The following PKNOX2 variants were observed in gnomAD, a reference collection of about 807,000 sequenced individuals.
The protein encoded by PKNOX2 is PBX/knotted 1 homeobox 2.
A neutral mutation model predicts 53.1 loss-of-function variants in PKNOX2; 14 were observed. The observed-to-expected ratio is 0.26, with a 90% confidence interval of 0.17 to 0.41. PKNOX2 has a LOEUF of 0.41. Ranked by LOEUF, PKNOX2 falls within the 10% of genes least tolerant of loss-of-function variation. PKNOX2 has a pLI of 1.00. For missense variants in PKNOX2, 496 were observed against 602.8 expected (o/e 0.82, Z 1.85); for synonymous variants, 257 against 242.8 (o/e 1.06, Z -0.54).
At chr11:125,387,054 C>G (rs1953688720) in intron 6 of PKNOX2, among the ~76,000 whole-genome samples, 10 of 152,202 alleles carry the variant, frequency 6.6e-5, no homozygotes, top group Admixed American at 6.5e-4. Flanking sequence ...GGATTGGCAG[C>G]CCCCTTCCCA....
chr11:125,368,821 G>A (rs989247472), intron 5 of PKNOX2, among the ~76,000 whole-genome samples: 1 of 152,178 alleles, frequency 6.6e-6, no homozygotes, highest in Non-Finnish European at 1.5e-5. Flanking sequence ...GCCTGAATGA[G>A]GCTCCTACAG....
chr11:125,288,964 A>G (rs934269230), intron 2 of PKNOX2, among the ~76,000 whole-genome samples: 3 of 151,556 alleles, frequency 2.0e-5, no homozygotes, highest in African/African-American at 4.9e-5. Flanking sequence ...TGGTAAAATT[A>G]CCTTCTTCTT....
intron 5 of PKNOX2, among the ~76,000 whole-genome samples, chr11:125,374,074 G>A (rs1952703373): frequency 6.6e-6 from 1 of 152,136 alleles, no homozygotes; most frequent in Non-Finnish European, 1.5e-5. Context: ...CCTGGGAACT[G>A]GAACTTCCTA....
intron 2 of PKNOX2, among the ~76,000 whole-genome samples, chr11:125,298,178 C>A (rs990221993): frequency 6.6e-6 from 1 of 152,166 alleles, no homozygotes; most frequent in Non-Finnish European, 1.5e-5. Context: ...AGGAAACAGG[C>A]AGAGGCTGTT....
At chr11:125,413,304 A>G (rs1046771226) in intron 10 of PKNOX2, among the ~76,000 whole-genome samples, 1 of 152,328 alleles carries the variant, frequency 6.6e-6, no homozygotes, top group African/African-American at 2.4e-5. Context: ...CAGGCCTCTA[A>G]GGAGCAGCTC....
chr11:125,266,409 TTCTTGAA>T (rs1368260829), intron 2 of PKNOX2, among the ~76,000 whole-genome samples: 1 of 152,176 alleles, frequency 6.6e-6, no homozygotes, highest in Non-Finnish European at 1.5e-5. Flanking sequence ...ATGTCCTTGA[TTCTTGAA>T]CCTTTCATCC....
At chr11:125,173,609 A>G (rs1048146128) in intron 1 of PKNOX2, among the ~76,000 whole-genome samples, 1 of 152,176 alleles carries the variant, frequency 6.6e-6, no homozygotes, top group Non-Finnish European at 1.5e-5. Context: ...AGTCTAGAAG[A>G]TCTGTTTTTT....
At chr11:125,294,955 T>A (rs1377053734) in intron 2 of PKNOX2, among the ~76,000 whole-genome samples, 2 of 152,134 alleles carry the variant, frequency 1.3e-5, no homozygotes, top group Non-Finnish European at 2.9e-5. Context: ...CTCTGCCTTG[T>A]TAGACATGAG....
At chr11:125,334,478 G>A (rs1172534324) in intron 3 of PKNOX2, among the ~76,000 whole-genome samples, 1 of 152,126 alleles carries the variant, frequency 6.6e-6, no homozygotes, top group Admixed American at 6.5e-5. Context: ...GAGTCCTCTG[G>A]TTCCTTGAGG....
intron 4 of PKNOX2, among the ~76,000 whole-genome samples, chr11:125,364,820 C>T (rs1456009128): frequency 6.6e-6 from 1 of 152,122 alleles, no homozygotes; most frequent in Non-Finnish European, 1.5e-5. Flanking sequence ...TATTAAAACA[C>T]CCTCATGGTG....
chr11:125,351,163 C>G, intron 3 of PKNOX2, 121 bp from the exon 4 acceptor site: 1 of 704,950 alleles, frequency 1.4e-6, no homozygotes, highest in East Asian at 2.7e-5. Context: ...GAAGGGCGTG[C>G]AACCCTTGCC....
intron 10 of PKNOX2, among the ~76,000 whole-genome samples, chr11:125,418,850 A>G (rs1956024939): frequency 6.6e-6 from 1 of 152,062 alleles, no homozygotes; most frequent in Admixed American, 6.5e-5. Flanking sequence ...AACACAGTAT[A>G]ATAACTATTT....
chr11:125,410,813 C>A lies in PKNOX2; in HGVS notation c.753C>A (p.Thr251=). The change falls in exon 9 of 13, where the codon ACC becomes ACA. Residue 251 remains threonine, a synonymous_variant. Transcript: ENST00000298282. ...GALYQPVTMV[T]SQGQVVTQAI... ...TATACCAACCGGTTACCATGGTAAC[C>A]TCCCAGGGTCAGGTGGTCACCCAAG... 6.2e-7 allele frequency: 1 copy of A among 1,614,096 alleles called. No homozygotes were observed. Among genetic ancestry groups the A allele is most frequent in the South Asian group, 1.1e-5 (1 of 91,076 alleles).
intron 7 of PKNOX2, among the ~76,000 whole-genome samples, chr11:125,408,827 T>A (rs1218713673): frequency 6.6e-6 from 1 of 152,136 alleles, no homozygotes; most frequent in Non-Finnish European, 1.5e-5. Context: ...AAACACAGAT[T>A]TCCGGGCTCA....
chr11:125,278,837 T>G (rs1370679014), intron 2 of PKNOX2, among the ~76,000 whole-genome samples: 1 of 152,192 alleles, frequency 6.6e-6, no homozygotes, highest in Non-Finnish European at 1.5e-5. Flanking sequence ...AGAGGTCACA[T>G]AACTTGTCCA....
At chr11:125,358,963 C>T (rs1043843750) in intron 4 of PKNOX2, among the ~76,000 whole-genome samples, 28 of 152,126 alleles carry the variant, frequency 1.8e-4, no homozygotes, top group African/African-American at 5.1e-4. Flanking sequence ...CAGTCTTCTG[C>T]GGCCTGGGGA....
intron 2 of PKNOX2, among the ~76,000 whole-genome samples, chr11:125,291,485 A>G (rs999946631): frequency 1.3e-5 from 2 of 152,198 alleles, no homozygotes; most frequent in African/African-American, 4.8e-5. Flanking sequence ...TAGGCTAGCC[A>G]CTGTGCAAAA....
At chr11:125,180,075 G>C (rs1005838446) in intron 1 of PKNOX2, among the ~76,000 whole-genome samples, 1 of 152,116 alleles carries the variant, frequency 6.6e-6, no homozygotes, top group East Asian at 1.9e-4. Context: ...AGCCATGCAC[G>C]CTCCTGCCTG....
At chr11:125,283,747 G>A (rs943014916) in intron 2 of PKNOX2, among the ~76,000 whole-genome samples, 4 of 152,150 alleles carry the variant, frequency 2.6e-5, no homozygotes, top group African/African-American at 9.7e-5. Flanking sequence ...ATTTGAAAGA[G>A]GGGAACTCAT....
Sources: allele counts gnomAD v4.1 joint callset (sites outside exome capture counted in the v4.1 genomes callset), GRCh38; gene constraint gnomAD v4.1.1; transcripts MANE v1.5; gene names NCBI Gene and HGNC (gene_info 2026-07-23, HGNC 2026-07-21).